Variants in DRC11 observed in about 807,000 individuals in gnomAD.
DRC11 encodes the protein IQ and AAA domain-containing protein 1.
chr2:236,454,729 C>A, the DRC11 span: 1 of 152,296 alleles, frequency 6.6e-6, no homozygotes, highest in Non-Finnish European at 1.5e-5. This position sits in a 1 kb window ranked among gnomAD's most constrained non-coding sequence, Gnocchi z 5.3. Flanking sequence ...AGGTGGTTTC[C>A]TTTGATGTCC....
chr2:236,488,175 C>T, the DRC11 span: 2 of 1,598,180 alleles, frequency 1.3e-6, no homozygotes, highest in Admixed American at 3.5e-5. Flanking sequence ...GAAAGGGATA[C>T]TCTTTACAGG....
the DRC11 span, among the ~76,000 whole-genome samples, chr2:236,424,618 A>T: frequency 6.6e-6 from 1 of 152,174 alleles, no homozygotes; most frequent in South Asian, 2.1e-4. Context: ...CAAGCTAACT[A>T]ACATGTCCAT....
At chr2:236,421,437 T>C in the DRC11 span, among the ~76,000 whole-genome samples, 3,811 of 152,002 alleles carry the variant, frequency 0.025, 159 homozygotes, top group African/African-American at 0.086. Context: ...AACACCTTTA[T>C]GCAAATAAAC....
the DRC11 span, among the ~76,000 whole-genome samples, chr2:236,479,749 G>C: frequency 6.6e-6 from 1 of 152,128 alleles, no homozygotes; most frequent in Admixed American, 6.5e-5. This position sits in a 1 kb window ranked among gnomAD's most constrained non-coding sequence, Gnocchi z 4.1. Flanking sequence ...TCTTACTAGA[G>C]ATATGAGTGG....
chr2:236,447,300 G>A, the DRC11 span, among the ~76,000 whole-genome samples: 1 of 151,658 alleles, frequency 6.6e-6, no homozygotes, highest in Non-Finnish European at 1.5e-5. This position sits in a 1 kb window ranked among gnomAD's most constrained non-coding sequence, Gnocchi z 4.6. Flanking sequence ...TCATGCTGGA[G>A]TAGGAGGGCC....
At chr2:236,417,595 T>C in the DRC11 span, among the ~76,000 whole-genome samples, 1 of 151,736 alleles carries the variant, frequency 6.6e-6, no homozygotes, top group African/African-American at 2.4e-5. Flanking sequence ...AGTTCTGGGA[T>C]ACATGTGCAG....
the DRC11 span, among the ~76,000 whole-genome samples, chr2:236,460,500 T>A: frequency 6.6e-6 from 1 of 152,210 alleles, no homozygotes; most frequent in African/African-American, 2.4e-5. This position sits in a 1 kb window ranked among gnomAD's most constrained non-coding sequence, Gnocchi z 4.0. Flanking sequence ...CAAGGTATTA[T>A]ACTCATTGAT....
the DRC11 span, among the ~76,000 whole-genome samples, chr2:236,376,207 C>T: frequency 1.3e-5 from 2 of 152,168 alleles, no homozygotes; most frequent in Admixed American, 1.3e-4. The surrounding 1 kb of genome is among the most constrained non-coding windows in gnomAD (Gnocchi z 5.7). Context: ...GACACACATT[C>T]AATTGAGAGA....
the DRC11 span, chr2:236,343,834 C>A: frequency 5.2e-6 from 5 of 968,516 alleles, no homozygotes; most frequent in Non-Finnish European, 7.3e-6. This position sits in a 1 kb window ranked among gnomAD's most constrained non-coding sequence, Gnocchi z 6.6. Context: ...GCAATCAAGG[C>A]TCATTTGGGG....
chr2:236,404,899 G>C, the DRC11 span, among the ~76,000 whole-genome samples: 1 of 152,150 alleles, frequency 6.6e-6, no homozygotes, highest in South Asian at 2.1e-4. Context: ...TGTGTCTGGT[G>C]GGGGCTGCTC....
chr2:236,489,538 C>A, the DRC11 span, among the ~76,000 whole-genome samples: 5 of 152,162 alleles, frequency 3.3e-5, no homozygotes, highest in Non-Finnish European at 5.9e-5. Context: ...CCAGAGGCCC[C>A]AGAGCAAGGG....
At chr2:236,357,168 C>CTATATATTATGTATTCATATATT in the DRC11 span, among the ~76,000 whole-genome samples, 9 of 80,478 alleles carry the variant, frequency 1.1e-4, no homozygotes, top group African/African-American at 4.3e-4. Context: ...TCATATATAT[C>CTATATATTATGTATTCATATATT]TATATATTAT....
the DRC11 span, among the ~76,000 whole-genome samples, chr2:236,334,037 G>A: frequency 6.6e-6 from 1 of 152,136 alleles, no homozygotes; most frequent in Non-Finnish European, 1.5e-5. The surrounding 1 kb of genome is among the most constrained non-coding windows in gnomAD (Gnocchi z 7.8). Context: ...TGACTCATTG[G>A]TTACTCTCCA....
At chr2:236,492,335 T>C in the DRC11 span, among the ~76,000 whole-genome samples, 2 of 152,144 alleles carry the variant, frequency 1.3e-5, no homozygotes, top group Non-Finnish European at 2.9e-5. Flanking sequence ...GCAGGGAACA[T>C]GCCTATGGGA....
the DRC11 span, among the ~76,000 whole-genome samples, chr2:236,309,177 G>A: frequency 2.6e-5 from 4 of 152,134 alleles, no homozygotes; most frequent in African/African-American, 7.2e-5. The surrounding 1 kb of genome is among the most constrained non-coding windows in gnomAD (Gnocchi z 5.7). Context: ...ACTCCCTCGC[G>A]GCGGCTCCCT....
At chr2:236,319,673 A>G in the DRC11 span, among the ~76,000 whole-genome samples, 4 of 152,250 alleles carry the variant, frequency 2.6e-5, no homozygotes, top group South Asian at 8.3e-4. This position sits in a 1 kb window ranked among gnomAD's most constrained non-coding sequence, Gnocchi z 6.7. Context: ...GAATATCTAT[A>G]AAGCAATAAA....
chr2:236,463,267 G>A, the DRC11 span, among the ~76,000 whole-genome samples: 1 of 152,118 alleles, frequency 6.6e-6, no homozygotes, highest in Admixed American at 6.5e-5. This position sits in a 1 kb window ranked among gnomAD's most constrained non-coding sequence, Gnocchi z 5.0. Flanking sequence ...AGAAAGCAAG[G>A]AGAAAAGGGA....
the DRC11 span, among the ~76,000 whole-genome samples, chr2:236,496,235 T>C: frequency 1.3e-5 from 2 of 152,210 alleles, no homozygotes; most frequent in Non-Finnish European, 2.9e-5. This position sits in a 1 kb window ranked among gnomAD's most constrained non-coding sequence, Gnocchi z 6.3. Flanking sequence ...ATCAACATTT[T>C]CATTCATTTC....
chr2:236,329,177 C>A, the DRC11 span, among the ~76,000 whole-genome samples: 1 of 152,244 alleles, frequency 6.6e-6, no homozygotes, highest in Non-Finnish European at 1.5e-5. Flanking sequence ...ACATTGGACT[C>A]ACCAGGATAA....
Sources: allele counts gnomAD v4.1 joint callset (sites outside exome capture counted in the v4.1 genomes callset), GRCh38; gene constraint gnomAD v4.1.1; non-coding constraint Gnocchi (gnomAD v3.1); transcripts MANE v1.5; gene names NCBI Gene and HGNC (gene_info 2026-07-23, HGNC 2026-07-21).